Variants in LRP1B observed in about 807,000 individuals in gnomAD.
The protein encoded by LRP1B is LDL receptor related protein 1B.
A neutral mutation model predicts 556.6 loss-of-function variants in LRP1B; 217 were observed. The ratio of observed to expected loss-of-function variants is 0.39; its 90% CI spans 0.35 to 0.44. LRP1B has a LOEUF of 0.44. Among genes scored for constraint, LRP1B ranks in the 20% least tolerant of loss-of-function variants. The pLI is 1.00. For synonymous variants in LRP1B, 2,047 were observed against 1,865.8 expected (o/e 1.10, Z -2.50); for missense variants, 5,053 against 5,620.8 (o/e 0.90, Z 3.23).
chr2:140,776,984 G>A (rs934635956), intron 32 of LRP1B, among the ~76,000 whole-genome samples: 1 of 152,138 alleles, frequency 6.6e-6, no homozygotes, highest in Non-Finnish European at 1.5e-5. Context: ...TGAAGATTAA[G>A]TAACTTAATC....
chr2:140,387,498 G>A (rs1410884255), intron 66 of LRP1B, among the ~76,000 whole-genome samples: 1 of 151,690 alleles, frequency 6.6e-6, no homozygotes, highest in Admixed American at 6.6e-5. Context: ...ATATTAAATG[G>A]AAAAGTAGGA....
At chr2:142,075,758 C>T (rs6744928) in intron 1 of LRP1B, among the ~76,000 whole-genome samples, 87,237 of 151,868 alleles carry the variant, frequency 0.57, 25,327 homozygotes, top group East Asian at 0.7. Flanking sequence ...AACTCTCCCT[C>T]CACGTTAATC....
At chr2:141,151,690 C>T (rs982358506) in intron 7 of LRP1B, among the ~76,000 whole-genome samples, 12 of 152,106 alleles carry the variant, frequency 7.9e-5, no homozygotes, top group East Asian at 5.8e-4. Context: ...ATCCCAGTCT[C>T]GAGCTAGTAT....
At chr2:140,295,169 C>T (rs13387486) in intron 84 of LRP1B, among the ~76,000 whole-genome samples, 6,604 of 152,120 alleles carry the variant, frequency 0.043, 255 homozygotes, top group African/African-American at 0.11. Flanking sequence ...TGAGCCACTG[C>T]GCCTGGCTAA....
intron 1 of LRP1B, among the ~76,000 whole-genome samples, chr2:142,075,456 T>C (rs1338312045): frequency 6.6e-6 from 1 of 152,086 alleles, no homozygotes; most frequent in Non-Finnish European, 1.5e-5. Flanking sequence ...GACTGACATT[T>C]CTGTCACATC....
At chr2:141,355,267 C>T (rs534647821) in intron 3 of LRP1B, among the ~76,000 whole-genome samples, 36 of 151,276 alleles carry the variant, frequency 2.4e-4, no homozygotes, top group Non-Finnish European at 4.4e-5. Context: ...ATGTAACAGT[C>T]CTTTTTTAAG....
intron 32 of LRP1B, among the ~76,000 whole-genome samples, chr2:140,789,417 C>T (rs933995819): frequency 9.2e-5 from 14 of 152,084 alleles, no homozygotes; most frequent in African/African-American, 3.4e-4. Flanking sequence ...GTGCTGAATA[C>T]TCCTTTTAAA....
At chr2:140,814,001 G>A (rs577227431) in intron 31 of LRP1B, among the ~76,000 whole-genome samples, 195 bp from the exon 32 acceptor site, 31 of 152,172 alleles carry the variant, frequency 2.0e-4, no homozygotes, top group South Asian at 4.1e-4. Flanking sequence ...TAGAGACAGG[G>A]TCTCACTCTG....
intron 1 of LRP1B, among the ~76,000 whole-genome samples, chr2:142,013,965 A>G (rs900095995): frequency 6.6e-6 from 1 of 152,190 alleles, no homozygotes; most frequent in African/African-American, 2.4e-5. Flanking sequence ...TATCTGCAGA[A>G]CAAAGGAATT....
rs182573145 is a variant in LRP1B at position 140,930,264 on chromosome 2, T to C, written c.3137-7117A>G. 4.0e-3 allele frequency among the ~76,000 whole-genome samples: 602 copies of C among 152,232 alleles called. 5 individuals are homozygous for C. Among genetic ancestry groups the C allele is most frequent in the Non-Finnish European group, 5.9e-3 (404 of 68,020 alleles). On this transcript the variant is annotated intron_variant, in intron 20 of 90. Coordinates refer to ENST00000389484, the MANE Select transcript of LRP1B (RefSeq NM_018557.3). ...CCAGTTATATTTTTAACTAATACAA[T>C]TTTATTGTATTTTTGCCCCGAAGCT...
At chr2:141,851,894 G>A (rs886285732) in intron 1 of LRP1B, among the ~76,000 whole-genome samples, 2 of 151,682 alleles carry the variant, frequency 1.3e-5, no homozygotes, top group African/African-American at 4.8e-5. Context: ...TCTCAAGAGA[G>A]TGAGAATTGC....
At chr2:140,492,090 T>G (rs1169043825) in intron 57 of LRP1B, among the ~76,000 whole-genome samples, 1 of 152,192 alleles carries the variant, frequency 6.6e-6, no homozygotes, top group South Asian at 2.1e-4. Flanking sequence ...TCTGACGTGT[T>G]TATTTTTAAC....
At chr2:140,821,080 GT>G (rs1691313228) in intron 31 of LRP1B, among the ~76,000 whole-genome samples, 1 of 151,910 alleles carries the variant, frequency 6.6e-6, no homozygotes, top group Non-Finnish European at 1.5e-5. Context: ...AAAACATTGA[GT>G]GTTTTTGTTT....
chr2:141,897,213 T>A (rs1290763327), intron 1 of LRP1B, among the ~76,000 whole-genome samples: 1 of 151,874 alleles, frequency 6.6e-6, no homozygotes, highest in Non-Finnish European at 1.5e-5. Flanking sequence ...AGACACACTG[T>A]AAAGGTCATT....
chr2:141,971,798 A>G (rs1053193781), intron 1 of LRP1B, among the ~76,000 whole-genome samples: 21 of 151,572 alleles, frequency 1.4e-4, no homozygotes, highest in African/African-American at 5.1e-4. Flanking sequence ...CTTCCCTTCT[A>G]AAATTTTTTT....
chr2:140,278,213 G>A (rs929507921), intron 84 of LRP1B, among the ~76,000 whole-genome samples: 1 of 151,914 alleles, frequency 6.6e-6, no homozygotes, highest in Non-Finnish European at 1.5e-5. Flanking sequence ...TTACAGGAGA[G>A]GAGAAAGGAG....
At chr2:141,919,739 T>A (rs1558961705) in intron 1 of LRP1B, among the ~76,000 whole-genome samples, 1 of 152,014 alleles carries the variant, frequency 6.6e-6, no homozygotes, top group African/African-American at 2.4e-5. Context: ...AGGTGACACA[T>A]CTTTGAGTTA....
At chr2:141,600,240 C>T (rs910804975) in intron 2 of LRP1B, among the ~76,000 whole-genome samples, 3 of 151,998 alleles carry the variant, frequency 2.0e-5, no homozygotes, top group Non-Finnish European at 4.4e-5. Flanking sequence ...ACCTGGAGAG[C>T]TTTTTTTAAA....
intron 59 of LRP1B, among the ~76,000 whole-genome samples, chr2:140,480,536 G>A (rs2105355125): frequency 6.6e-6 from 1 of 152,096 alleles, no homozygotes; most frequent in Non-Finnish European, 1.5e-5. Context: ...CACCTCCCTG[G>A]TTCAAGCAAT....
Sources: allele counts gnomAD v4.1 joint callset (sites outside exome capture counted in the v4.1 genomes callset), GRCh38; gene constraint gnomAD v4.1.1; transcripts MANE v1.5; gene names NCBI Gene and HGNC (gene_info 2026-07-23, HGNC 2026-07-21).